Variants in ZMAT3 observed in about 807,000 individuals in gnomAD.
ZMAT3 encodes zinc finger matrin-type protein 3.
In ZMAT3, 17 loss-of-function variants were observed where a neutral mutation model predicts 32.3. The ratio of observed to expected loss-of-function variants is 0.53; its 90% confidence interval spans 0.36 to 0.79. The LOEUF (loss-of-function observed/expected upper bound fraction) is 0.79. Among genes scored for constraint, ZMAT3 ranks in the 30% least tolerant of loss-of-function variants. The pLI, the probability that ZMAT3 is intolerant of heterozygous loss-of-function variation, is 0.00. For missense variants in ZMAT3, 329 were observed against 359.7 expected (o/e 0.91, Z 0.69); for synonymous variants, 120 against 133.1 (o/e 0.90, Z 0.68).
In ZMAT3 at chr3:179,024,154, G is replaced by A. The variant is rs1003566229; in HGVS notation, c.*863C>T. 1 of 152,142 alleles carries A rather than the reference G, an allele frequency of 6.6e-6. No homozygotes were observed. Among genetic ancestry groups the A allele is most frequent in the South Asian group, 2.1e-4 (1 of 4,828 alleles). The allele number at this position is 152,142 out of a possible 1,614,324, so 9.4% of individuals were successfully genotyped here. A position where few individuals can be genotyped will look rare whatever the true frequency, so the allele number is the denominator to read the frequency against. ...TTCAACTAGGGGGGAAAAAAGAGGA[G>A]GGAAGAAGGCGGCAATTATATGTGT... On this transcript the variant is annotated 3_prime_UTR_variant, in exon 6 of 6. Transcript: ENST00000311417.
At position 179,017,565 on chromosome 3, in the gene ZMAT3, T is replaced by A. The variant is rs1395598568; in HGVS notation, c.*7452A>T. The A allele has an allele frequency of 1.3e-5, 2 of 152,164 alleles. No individual in the cohort carries two copies. Among genetic ancestry groups the A allele is most frequent in the African/African-American group, 4.8e-5 (2 of 41,444 alleles). 9.4% of individuals were successfully genotyped at this position (152,164 alleles called of 1,614,324 possible). A position where few individuals can be genotyped will look rare whatever the true frequency, so the allele number is the denominator to read the frequency against. On this transcript the variant is annotated 3_prime_UTR_variant, in exon 6 of 6. Transcript: ENST00000311417. Reference sequence around the variant, plus strand: ...ACAGATCTTAAGCCTCTGTATGACATTTAGAGAAAATTTTAATAAACAACC... The same window carrying A: ...ACAGATCTTAAGCCTCTGTATGACAATTAGAGAAAATTTTAATAAACAACC...
At chr3:179,028,589 G>A (rs1309469796) in intron 3 of ZMAT3, among the ~76,000 whole-genome samples, 2 of 152,220 alleles carry the variant, frequency 1.3e-5, no homozygotes, top group South Asian at 2.1e-4. Context: ...CTGCCTGCCC[G>A]GGAGGGTGGA....
At chr3:179,028,962 C>T (rs1719032823) in intron 3 of ZMAT3, among the ~76,000 whole-genome samples, 1 of 152,050 alleles carries the variant, frequency 6.6e-6, no homozygotes, top group Non-Finnish European at 1.5e-5. Context: ...GAGTTCAAGA[C>T]CAGCCTGGCC....
chr3:179,034,538 C>G (rs556894249), intron 2 of ZMAT3, among the ~76,000 whole-genome samples: 7 of 152,346 alleles, frequency 4.6e-5, no homozygotes, highest in African/African-American at 1.7e-4. Context: ...TCTACCCAGA[C>G]CTATAGCTTT....
chr3:179,067,675 C>A lies in ZMAT3; in HGVS notation c.78G>T (p.Arg26Ser). The A allele has an allele frequency of 6.2e-7, 1 of 1,614,122 alleles. No homozygotes were observed. Among genetic ancestry groups the A allele is most frequent in the Non-Finnish European group, 8.5e-7 (1 of 1,180,028 alleles). ...GTGGAAGCTGCAAGGTTCCTGTAGACCTGGTGGCCACTGACATAGGAGGCG... is the reference window on the plus strand; with the variant it reads ...GTGGAAGCTGCAAGGTTCCTGTAGAACTGGTGGCCACTGACATAGGAGGCG... Reference protein sequence around the residue: ...SPSPPMSVATRSTGTLQLPPQ... With the variant: ...SPSPPMSVATSSTGTLQLPPQ... The change falls in exon 2 of 6, where the codon AGG (arginine) becomes AGT (serine). Residue 26 changes from arginine (R) to serine (S), a missense_variant. Physicochemically the swap from Arg to Ser is moderately radical, Grantham distance 110 (BLOSUM62 -1). Coordinates refer to ENST00000311417, the MANE Select transcript of ZMAT3 (RefSeq NM_022470.4).
chr3:179,020,536 T>C lies in ZMAT3; in HGVS notation c.*4481A>G, dbSNP rs563684806. The C allele has an allele frequency of 6.6e-6, 1 of 152,340 alleles. No homozygotes were observed. The highest frequency in any genetic ancestry group is 1.5e-5 in the Non-Finnish European group (1 of 68,024). The allele number at this position is 152,340 out of a possible 1,614,324, so 9.4% of individuals were successfully genotyped here. The stretch of plus-strand genomic sequence containing the variant: ...ATAGTTGGTAAGGTCAAATTTGTTT[T>C]AAAACATCTGTTCAAAAGCCTGCAT... On this transcript the variant is annotated 3_prime_UTR_variant, in exon 6 of 6. Coordinates refer to ENST00000311417, the MANE Select transcript of ZMAT3 (RefSeq NM_022470.4).
intron 2 of ZMAT3, among the ~76,000 whole-genome samples, 176 bp from the exon 3 acceptor site, chr3:179,031,175 A>G (rs1374824469): frequency 1.3e-5 from 2 of 151,430 alleles, no homozygotes; most frequent in Non-Finnish European, 2.9e-5. Flanking sequence ...CTAATTAATT[A>G]TTGTTGTTAT....
chr3:179,030,226 A>T (rs924680831), intron 3 of ZMAT3, among the ~76,000 whole-genome samples: 15 of 152,184 alleles, frequency 9.9e-5, no homozygotes, highest in African/African-American at 1.4e-4. Context: ...TCAAACACCT[A>T]ATTTTGCAAC....
Position 179,019,485 on chromosome 3 carries a change from A to T in ZMAT3, c.*5532T>A, listed in dbSNP as rs1464274526. On this transcript the variant is annotated 3_prime_UTR_variant, in exon 6 of 6. Coordinates refer to ENST00000311417, the MANE Select transcript of ZMAT3 (RefSeq NM_022470.4). ...GAAAAGAGGGATAGAGAATATGAAC[A>T]GATACATGGCAATACAAGTATAGTC... 1 of 152,164 alleles carries T rather than the reference A, an allele frequency of 6.6e-6. No homozygotes were observed. Among genetic ancestry groups the T allele is most frequent in the Non-Finnish European group, 1.5e-5 (1 of 68,006 alleles). 9.4% of individuals were successfully genotyped at this position (152,164 alleles called of 1,614,324 possible). A position where few individuals can be genotyped will look rare whatever the true frequency, so the allele number is the denominator to read the frequency against.
rs369163355 is a variant in ZMAT3, at chr3:179,023,098, T to C, written c.*1919A>G. 2.0e-5 allele frequency: 3 copies of C among 151,918 alleles called. No individual in the cohort carries two copies. The highest frequency in any genetic ancestry group is 6.6e-5 in the Admixed American group (1 of 15,250). The allele number at this position is 151,918 out of a possible 1,614,324, so 9.4% of individuals were successfully genotyped here. On this transcript the variant is annotated 3_prime_UTR_variant, in exon 6 of 6. Coordinates refer to ENST00000311417, the MANE Select transcript of ZMAT3 (RefSeq NM_022470.4). ...ACCCATATAAAATATAGTAAATAGATAAAATGTAGTTAATGAATATTCACA... is the reference window on the plus strand; with the variant it reads ...ACCCATATAAAATATAGTAAATAGACAAAATGTAGTTAATGAATATTCACA...
At chr3:179,070,115 G>A (rs1178304534) in intron 1 of ZMAT3, among the ~76,000 whole-genome samples, 1 of 149,628 alleles carries the variant, frequency 6.7e-6, no homozygotes, top group Non-Finnish European at 1.5e-5. Flanking sequence ...TGAAAAGGTG[G>A]GGGGGGGTGT....
intron 5 of ZMAT3, 133 bp downstream of exon 5, chr3:179,027,290 C>T (rs1165577867): frequency 6.5e-6 from 4 of 612,476 alleles, no homozygotes; most frequent in East Asian, 2.9e-5. Context: ...CCTGAAAGGC[C>T]GCCACTAGAC....
intron 2 of ZMAT3, among the ~76,000 whole-genome samples, chr3:179,050,796 GATTTAGGGATGGTTTTAC>G (rs548854567): frequency 9.5e-4 from 144 of 152,262 alleles, no homozygotes; most frequent in African/African-American, 3.1e-3. Context: ...TCACACCAGG[GATTTAGGGATGGTTTTAC>G]ATCTAGGGAT....
At chr3:179,055,892 GAAC>G in intron 2 of ZMAT3, among the ~76,000 whole-genome samples, 1 of 152,312 alleles carries the variant, frequency 6.6e-6, no homozygotes, top group South Asian at 2.1e-4. Flanking sequence ...ACAGAGGAAA[GAAC>G]AACTCCCACA....
intron 2 of ZMAT3, among the ~76,000 whole-genome samples, chr3:179,040,602 C>T (rs1156760743): frequency 4.6e-5 from 7 of 152,096 alleles, no homozygotes; most frequent in East Asian, 1.9e-4. Context: ...TAGAAACAAC[C>T]GGTAACAACC....
intron 2 of ZMAT3, among the ~76,000 whole-genome samples, chr3:179,032,886 G>A (rs1001880048): frequency 2.0e-5 from 3 of 149,992 alleles, no homozygotes; most frequent in East Asian, 4.0e-4. Flanking sequence ...CCCCCGCCCG[G>A]CCGCTACACC....
intron 2 of ZMAT3, among the ~76,000 whole-genome samples, chr3:179,039,715 G>C (rs2108554284): frequency 6.6e-6 from 1 of 152,270 alleles, no homozygotes; most frequent in East Asian, 1.9e-4. Flanking sequence ...AACAAAGCTG[G>C]ACAAAGAATG....
chr3:179,042,870 G>T (rs1383061882), intron 2 of ZMAT3, among the ~76,000 whole-genome samples: 6 of 152,166 alleles, frequency 3.9e-5, no homozygotes, highest in African/African-American at 1.4e-4. Flanking sequence ...AGCAACATCA[G>T]CAAAGTCTCA....
chr3:179,041,854 A>G (rs1045328526), intron 2 of ZMAT3, among the ~76,000 whole-genome samples: 4 of 152,184 alleles, frequency 2.6e-5, no homozygotes, highest in Admixed American at 6.5e-5. Flanking sequence ...AATAAAGAAG[A>G]AAAGAGAGAA....
Sources: gnomAD v4.1 joint callset for allele counts (sites outside exome capture counted in the v4.1 genomes callset) on GRCh38, gnomAD v4.1.1 for gene constraint, MANE v1.5 for transcripts, NCBI Gene and HGNC (gene_info 2026-07-23, HGNC 2026-07-21) for gene names.